TDRD1: variants seen among roughly 807,000 people sequenced by gnomAD.
TDRD1 encodes the protein tudor domain containing 1, also known as tudor domain-containing protein 1.
TDRD1 carries 37 observed loss-of-function variants against 140.6 expected under a neutral mutation model. The observed-to-expected ratio is 0.26, with a 90% CI of 0.20 to 0.35. The LOEUF (loss-of-function observed/expected upper bound fraction) is 0.35. Ranked by LOEUF, TDRD1 falls within the 10% of genes least tolerant of loss-of-function variation. The pLI is 1.00. For missense variants in TDRD1, 1,243 were observed against 1,393.0 expected (o/e 0.89, Z 1.71); for synonymous variants, 506 against 475.7 (o/e 1.06, Z -0.83).
intron 1 of TDRD1, among the ~76,000 whole-genome samples, chr10:114,186,731 G>A (rs1266733550): frequency 6.6e-6 from 1 of 152,086 alleles, no homozygotes; most frequent in Non-Finnish European, 1.5e-5. Flanking sequence ...TTCTGTTAGG[G>A]GTCTTCTCAG....
At chr10:114,221,474 C>T in exon 20 of TDRD1, 2 of 1,611,042 alleles carry the variant, frequency 1.2e-6, no homozygotes, top group Non-Finnish European at 1.7e-6. Flanking sequence ...AAAGGGATGC[C>T]AGGTAAGAAA....
chr10:114,189,638 C>G (rs2033810946), intron 2 of TDRD1, among the ~76,000 whole-genome samples: 1 of 152,164 alleles, frequency 6.6e-6, no homozygotes, highest in Admixed American at 6.5e-5. Context: ...GTCACCCAAG[C>G]TGAAGTGCAA....
chr10:114,211,927 C>T (rs201880270), exon 14 of TDRD1: 24 of 1,611,194 alleles, frequency 1.5e-5, no homozygotes, highest in East Asian at 2.2e-5. Flanking sequence ...CTGTACTGGT[C>T]GGATATGTAG....
At chr10:114,188,480 C>T (rs2120181652) in intron 2 of TDRD1, among the ~76,000 whole-genome samples, 1 of 152,314 alleles carries the variant, frequency 6.6e-6, no homozygotes, top group Non-Finnish European at 1.5e-5. Flanking sequence ...ACTGTGCAAA[C>T]TTCATGCATA....
At chr10:114,199,411 G>A in intron 4 of TDRD1, 94 bp downstream of exon 4, 1 of 1,468,926 alleles carries the variant, frequency 6.8e-7, no homozygotes, top group Non-Finnish European at 9.1e-7. Context: ...AGTGTAATTA[G>A]AACAGTGTCC....
At chr10:114,184,855 A>G (rs1451653594) in intron 1 of TDRD1, among the ~76,000 whole-genome samples, 2 of 152,228 alleles carry the variant, frequency 1.3e-5, no homozygotes, top group African/African-American at 2.4e-5. Context: ...TCTGTGAAGC[A>G]TAATCTGAGA....
intron 4 of TDRD1, 70 bp downstream of exon 4, chr10:114,199,387 A>G: frequency 1.3e-6 from 2 of 1,535,152 alleles, no homozygotes; most frequent in Admixed American, 2.1e-5. Flanking sequence ...ATTGTGGCAG[A>G]TGATGAAACA....
Position 114,228,025 on chromosome 10 carries a change from T to G in TDRD1, c.3451-13T>G, listed in dbSNP as rs1212930105. The G allele has an allele frequency of 6.2e-7, 1 of 1,610,426 alleles. No homozygotes were observed. Among genetic ancestry groups the G allele is most frequent in the East Asian group, 2.2e-5 (1 of 44,838 alleles). ...TTAGAAATTAAATCATATGGTTTCT[T>G]TTTCACCCACAGGTTGAAAAACATG... On this transcript the variant is annotated splice_polypyrimidine_tract_variant and intron_variant, in intron 24 of 25. Coordinates refer to ENST00000251864, the Ensembl canonical transcript of TDRD1.
At chr10:114,195,537 CT>C (rs779989061) in intron 3 of TDRD1, among the ~76,000 whole-genome samples, 2 of 152,106 alleles carry the variant, frequency 1.3e-5, no homozygotes, top group African/African-American at 2.4e-5. Context: ...TGGGTTGACT[CT>C]TTTGTCATCA....
intron 1 of TDRD1, among the ~76,000 whole-genome samples, chr10:114,184,509 A>G (rs781138877): frequency 2.0e-5 from 3 of 152,236 alleles, no homozygotes; most frequent in Admixed American, 1.3e-4. Flanking sequence ...GGCCTGTGCT[A>G]GCCACATCTG....
intron 17 of TDRD1, 37 bp from the exon 18 acceptor site, chr10:114,218,377 G>A (rs1402738936): frequency 9.4e-6 from 13 of 1,383,286 alleles, no homozygotes; most frequent in Non-Finnish European, 9.6e-7. Flanking sequence ...CGATAGAAAG[G>A]AAATGTTCCA....
intron 20 of TDRD1, among the ~76,000 whole-genome samples, chr10:114,222,332 C>CCTTGATCA (rs2036193366): frequency 6.6e-6 from 1 of 152,152 alleles, no homozygotes; most frequent in Non-Finnish European, 1.5e-5. Context: ...AGTATAACCA[C>CCTTGATCA]CTTGATCAAG....
At position 114,193,914 on chromosome 10, in the gene TDRD1, G is replaced by A. The variant is rs770604521; in HGVS notation, c.384+2895G>A. Among the ~76,000 whole-genome samples, 13 of 152,290 alleles carry A rather than the reference G, an allele frequency of 8.5e-5. No individual in the cohort carries two copies. The Middle Eastern group carries it at 0.01, about 120-fold the overall frequency. On this transcript the variant is annotated intron_variant, in intron 3 of 25. Transcript: ENST00000251864. Reference sequence around the variant, plus strand: ...TTCTGATCCTTTTTATCATAAGTAGGTGTTGAATTTTGTCAAATGCTTTTT... The same window carrying A: ...TTCTGATCCTTTTTATCATAAGTAGATGTTGAATTTTGTCAAATGCTTTTT...
At chr10:114,219,637 G>C (rs1490513062) in intron 18 of TDRD1, among the ~76,000 whole-genome samples, 3 of 146,518 alleles carry the variant, frequency 2.0e-5, no homozygotes, top group Admixed American at 2.0e-4. Flanking sequence ...GCCCAGGCTG[G>C]AGTGCAATGG....
intron 1 of TDRD1, 30 bp from the exon 2 acceptor site, chr10:114,187,796 G>A: frequency 6.6e-7 from 1 of 1,504,216 alleles, no homozygotes; most frequent in African/African-American, 1.4e-5. Context: ...GAAATTAAAA[G>A]TTGTCTCTTA....
intron 3 of TDRD1, among the ~76,000 whole-genome samples, chr10:114,193,581 C>T (rs2120320778): frequency 6.6e-6 from 1 of 152,334 alleles, no homozygotes; most frequent in African/African-American, 2.4e-5. Flanking sequence ...AGGCGTGAGC[C>T]ACCGGGACCA....
At chr10:114,217,573 G>C (rs373675633) in exon 17 of TDRD1, 2 of 1,597,748 alleles carry the variant, frequency 1.3e-6, no homozygotes, top group Non-Finnish European at 1.7e-6. Context: ...ATTTGAACAA[G>C]TCATTAGCAG....
chr10:114,204,030 A>T (rs369275600), intron 8 of TDRD1, 43 bp from the exon 9 acceptor site: 7 of 1,574,212 alleles, frequency 4.4e-6, no homozygotes, highest in Non-Finnish European at 3.4e-6. Context: ...TAAGATTGTG[A>T]AATGCTGTTA....
downstream of TDRD1, among the ~76,000 whole-genome samples, chr10:114,232,625 A>C (rs2036817197): frequency 6.6e-6 from 1 of 151,652 alleles, no homozygotes; most frequent in South Asian, 2.1e-4. Flanking sequence ...GTTAGATAAA[A>C]GCTCACGCTG....
Sources: gnomAD v4.1 joint callset for allele counts (sites outside exome capture counted in the v4.1 genomes callset) on GRCh38, gnomAD v4.1.1 for gene constraint, MANE v1.5 for transcripts, NCBI Gene and HGNC (gene_info 2026-07-23, HGNC 2026-07-21) for gene names.